The following MTHFS variants were observed in gnomAD, a reference collection of about 807,000 sequenced individuals.
MTHFS encodes 5-formyltetrahydrofolate cyclo-ligase.
A neutral mutation model predicts 12.7 loss-of-function variants in MTHFS; 7 were observed. The ratio of observed to expected loss-of-function variants is 0.55; its 90% confidence interval spans 0.31 to 1.03. MTHFS has a LOEUF of 1.03. Ranked by LOEUF, MTHFS falls within the 50% of genes least tolerant of loss-of-function variation. MTHFS has a pLI of 0.05. For synonymous variants in MTHFS, 100 were observed against 97.1 expected, an observed-to-expected ratio of 1.03 and a Z score of -0.18; for missense variants, 252 against 258.1, an observed-to-expected ratio of 0.98 and a Z score of 0.16.
At position 79,890,207 on chromosome 15, in the gene MTHFS, CTTTTTTTTT is replaced by C. The variant is rs71150999; in HGVS notation, c.118-862_118-854del. ...AGTTAGCCCTTCGCTCTCTTTTTTC[CTTTTTTTTT>C]TTTTTTTTTTTTTTTTTTTGAGACA... On this transcript the variant is annotated intron_variant, in intron 1 of 2. Transcript: ENST00000258874. Among the ~76,000 whole-genome samples, 90 of 100,744 alleles carry C rather than the reference CTTTTTTTTT, an allele frequency of 8.9e-4. 1 individual carries two copies. Among genetic ancestry groups the C allele is most frequent in the African/African-American group, 1.9e-3 (52 of 27,202 alleles). 66.1% of individuals were successfully genotyped at this position (100,744 alleles called of 152,430 possible).
intron 2 of MTHFS, among the ~76,000 whole-genome samples, chr15:79,847,669 CAAAAAAAA>C (rs55956333): frequency 2.7e-5 from 2 of 75,406 alleles, no homozygotes; most frequent in Admixed American, 3.0e-4. Flanking sequence ...GACTCCGTCT[CAAAAAAAA>C]AAAAAAAAAA....
At chr15:79,885,996 C>A (rs2034376370) in intron 2 of MTHFS, among the ~76,000 whole-genome samples, 1 of 152,202 alleles carries the variant, frequency 6.6e-6, no homozygotes, top group Admixed American at 6.5e-5. Context: ...AATCTAATTG[C>A]CCAAGCAGCC....
chr15:79,868,317 G>C (rs994702184), intron 2 of MTHFS, among the ~76,000 whole-genome samples: 1 of 152,160 alleles, frequency 6.6e-6, no homozygotes, highest in Non-Finnish European at 1.5e-5. Context: ...TCATGATGTT[G>C]AGAATGAGTC....
chr15:79,889,995 A>G (rs1290103746), intron 1 of MTHFS, among the ~76,000 whole-genome samples: 4 of 152,122 alleles, frequency 2.6e-5, no homozygotes, highest in African/African-American at 9.7e-5. Context: ...TGCCTCTACC[A>G]TCCCCATCCC....
chr15:79,867,569 C>T (rs575331068), intron 2 of MTHFS, among the ~76,000 whole-genome samples: 1 of 147,402 alleles, frequency 6.8e-6, no homozygotes. Flanking sequence ...CATTTTTAAA[C>T]GTAGATAAAT....
chr15:79,874,745 AT>A (rs2034160531), intron 2 of MTHFS, among the ~76,000 whole-genome samples: 1 of 152,106 alleles, frequency 6.6e-6, no homozygotes, highest in African/African-American at 2.4e-5. Context: ...CTAGAAGGCT[AT>A]CTCAGGGCTG....
intron 2 of MTHFS, among the ~76,000 whole-genome samples, chr15:79,851,235 C>A (rs531444477): frequency 3.3e-5 from 5 of 152,088 alleles, no homozygotes; most frequent in African/African-American, 4.8e-5. Flanking sequence ...TTTGGTGTGA[C>A]CAGCTCTTAT....
rs1327064743 is a variant in MTHFS at position 79,889,285 on chromosome 15, C to A, written c.187G>T (p.Glu63Ter). The A allele has an allele frequency of 6.2e-7, 1 of 1,614,174 alleles. No individual in the cohort carries two copies. Among genetic ancestry groups the A allele is most frequent in the South Asian group, 1.1e-5 (1 of 91,074 alleles). Residue 63 changes from glutamate to a stop codon, truncating the protein, a stop_gained, in exon 2 of 3, where the codon GAG (glutamate) becomes TAG (stop). Coordinates refer to ENST00000258874, the MANE Select transcript of MTHFS (RefSeq NM_006441.4). LOFTEE classifies it high-confidence loss of function. Reference protein sequence around the residue: ...SIFLSMQDEIETEEIIKDIFQ... With the variant: ...SIFLSMQDEI The stretch of plus-strand genomic sequence containing the variant: ...ATGTCCTTGATGATCTCTTCTGTCT[C>A]AATTTCATCTTGCATGCTCAGAAAG...
At chr15:79,865,855 T>C (rs1219458699) in intron 2 of MTHFS, among the ~76,000 whole-genome samples, 6 of 152,178 alleles carry the variant, frequency 3.9e-5, no homozygotes, top group Admixed American at 2.6e-4. Context: ...CTCCCCTCAG[T>C]TTACTGCATC....
intron 2 of MTHFS, among the ~76,000 whole-genome samples, chr15:79,849,136 A>G (rs1275454139): frequency 2.6e-5 from 4 of 152,158 alleles, no homozygotes; most frequent in Non-Finnish European, 5.9e-5. Flanking sequence ...AGGTCCTTAC[A>G]TCGTACATGC....
chr15:79,890,129 G>A (rs1251887756), intron 1 of MTHFS, among the ~76,000 whole-genome samples: 1 of 151,212 alleles, frequency 6.6e-6, no homozygotes, highest in East Asian at 2.0e-4. Context: ...AGGTAAATGA[G>A]CTTTGCTCAT....
intron 2 of MTHFS, among the ~76,000 whole-genome samples, chr15:79,871,278 C>T (rs907429630): frequency 6.6e-6 from 1 of 151,664 alleles, no homozygotes. Flanking sequence ...GAAATGAATG[C>T]ATAATTATGA....
chr15:79,894,749 T>A (rs952467493), intron 1 of MTHFS, among the ~76,000 whole-genome samples: 2 of 152,184 alleles, frequency 1.3e-5, no homozygotes, highest in Non-Finnish European at 1.5e-5. Context: ...AGCTCTAAAT[T>A]TTGGAATCAC....
rs543471186 is a variant in MTHFS at position 79,855,955 on chromosome 15, A to T, written c.380-10513T>A. 3.9e-4 allele frequency among the ~76,000 whole-genome samples: 59 copies of T among 152,256 alleles called. No homozygotes were observed. In the South Asian group the frequency reaches 0.011, roughly 28 times the overall value. ...AGGCTGATTCCATGTCTTTGCTATT[A>T]TGAATAGTCCTGCAATGAACATATG... On this transcript the variant is annotated intron_variant, in intron 2 of 2. Coordinates refer to ENST00000258874, the MANE Select transcript of MTHFS (RefSeq NM_006441.4).
chr15:79,867,107 C>G (rs897595037), intron 2 of MTHFS, among the ~76,000 whole-genome samples: 1 of 152,234 alleles, frequency 6.6e-6, no homozygotes, highest in Non-Finnish European at 1.5e-5. Flanking sequence ...ACTCACCACT[C>G]CTATGAACTA....
intron 2 of MTHFS, among the ~76,000 whole-genome samples, chr15:79,850,455 A>G (rs567678530): frequency 1.3e-5 from 2 of 152,334 alleles, no homozygotes; most frequent in East Asian, 1.9e-4. Flanking sequence ...CTGTTAGAAC[A>G]TAACTCTGCT....
intron 2 of MTHFS, among the ~76,000 whole-genome samples, chr15:79,850,738 T>C (rs546998602): frequency 1.3e-5 from 2 of 152,018 alleles, no homozygotes; most frequent in South Asian, 4.2e-4. Context: ...ATAATATAAG[T>C]GGAGAGATGG....
At chr15:79,862,730 T>C (rs1457035605) in intron 2 of MTHFS, among the ~76,000 whole-genome samples, 1 of 152,240 alleles carries the variant, frequency 6.6e-6, no homozygotes, top group Non-Finnish European at 1.5e-5. Flanking sequence ...TCCAAATTTA[T>C]ATTTATAGTT....
chr15:79,848,742 C>G (rs1325552583), intron 2 of MTHFS, among the ~76,000 whole-genome samples: 1 of 152,182 alleles, frequency 6.6e-6, no homozygotes, highest in Non-Finnish European at 1.5e-5. Flanking sequence ...GTACTTTGAT[C>G]ACAGCTCTCA....
Sources: allele counts gnomAD v4.1 joint callset (sites outside exome capture counted in the v4.1 genomes callset), GRCh38; gene constraint gnomAD v4.1.1; transcripts MANE v1.5; gene names NCBI Gene and HGNC (gene_info 2026-07-23, HGNC 2026-07-21).